R3HCC1L: variants seen among roughly 807,000 people sequenced by gnomAD.
The protein encoded by R3HCC1L is R3H domain and coiled-coil containing 1 like.
In R3HCC1L, 51 loss-of-function variants were observed where a neutral mutation model predicts 59.9. That is an observed-to-expected ratio of 0.85 (90% confidence interval 0.68 to 1.07). The LOEUF (loss-of-function observed/expected upper bound fraction) is 1.07. Ranked by LOEUF, R3HCC1L falls within the 50% of genes least tolerant of loss-of-function variation. The pLI is 0.00. For synonymous variants in R3HCC1L, 322 were observed against 315.2 expected, an observed-to-expected ratio of 1.02 and a Z score of -0.23; for missense variants, 965 against 933.0, an observed-to-expected ratio of 1.03 and a Z score of -0.45.
intron 9 of R3HCC1L, among the ~76,000 whole-genome samples, chr10:98,241,743 G>A (rs1184999005): frequency 6.6e-6 from 1 of 152,064 alleles, no homozygotes; most frequent in Non-Finnish European, 1.5e-5. Context: ...TCAGATGTCA[G>A]GATAGTAGAA....
chr10:98,234,629 A>T (rs1156779091), intron 7 of R3HCC1L, 113 bp downstream of exon 7: 15 of 1,088,084 alleles, frequency 1.4e-5, no homozygotes, highest in Non-Finnish European at 2.0e-5. Context: ...CAGTGTAGGT[A>T]ATAGGGCAGT....
intron 9 of R3HCC1L, among the ~76,000 whole-genome samples, chr10:98,239,611 A>G (rs1442560784): frequency 1.3e-5 from 2 of 152,212 alleles, no homozygotes; most frequent in Non-Finnish European, 2.9e-5. Flanking sequence ...TATAAAACCC[A>G]GAATGTGAAA....
At chr10:98,179,734 T>C (rs191792951) in intron 4 of R3HCC1L, among the ~76,000 whole-genome samples, 104 of 152,298 alleles carry the variant, frequency 6.8e-4, no homozygotes, top group African/African-American at 2.2e-3. Context: ...ATTACCTCAA[T>C]TTTGGAGCCT....
chr10:98,200,464 C>T (rs1461475420), intron 4 of R3HCC1L, among the ~76,000 whole-genome samples: 1 of 152,068 alleles, frequency 6.6e-6, no homozygotes, highest in East Asian at 1.9e-4. Flanking sequence ...TTTATGGAGA[C>T]TTTTACCATG....
At chr10:98,199,781 A>ATATG (rs1564682044) in intron 4 of R3HCC1L, among the ~76,000 whole-genome samples, 1 of 152,030 alleles carries the variant, frequency 6.6e-6, no homozygotes, top group Admixed American at 6.5e-5. Context: ...ACATTTTACT[A>ATATG]TATGTATATC....
At chr10:98,183,394 C>A (rs1350517490) in intron 4 of R3HCC1L, among the ~76,000 whole-genome samples, 1 of 150,334 alleles carries the variant, frequency 6.7e-6, no homozygotes, top group African/African-American at 2.4e-5. Context: ...TGATTTTTTC[C>A]ACCATCAGTT....
chr10:98,184,360 C>T (rs2134663376), intron 4 of R3HCC1L, among the ~76,000 whole-genome samples: 1 of 152,168 alleles, frequency 6.6e-6, no homozygotes, highest in Middle Eastern at 3.4e-3. Context: ...GATTATAATA[C>T]CATATTTTAA....
chr10:98,240,887 A>G (rs1857463189), intron 9 of R3HCC1L, among the ~76,000 whole-genome samples: 1 of 150,592 alleles, frequency 6.6e-6, no homozygotes, highest in Non-Finnish European at 1.5e-5. Context: ...TAATAAACCT[A>G]ATACCTTTGC....
chr10:98,208,057 C>T, intron 4 of R3HCC1L, 44 bp from the exon 5 acceptor site: 1 of 1,508,540 alleles, frequency 6.6e-7, no homozygotes, highest in East Asian at 2.3e-5. Context: ...TGGTTCAATA[C>T]ATTGTAATTA....
intron 1 of R3HCC1L, among the ~76,000 whole-genome samples, chr10:98,136,730 G>A (rs925875485): frequency 1.3e-5 from 2 of 151,832 alleles, no homozygotes; most frequent in Admixed American, 6.6e-5. Flanking sequence ...CCAGCTACTC[G>A]GGAGGCTGAG....
At position 98,163,288 on chromosome 10, in the gene R3HCC1L, T is replaced by C; in HGVS notation, c.-119-5T>C. 1.7e-6 allele frequency: 1 copy of C among 579,542 alleles called. No individual in the cohort carries two copies. The highest frequency in any genetic ancestry group is 2.7e-6 in the Non-Finnish European group (1 of 364,930). The allele number at this position is 579,542 out of a possible 1,614,324, so 35.9% of individuals were successfully genotyped here. A position where few individuals can be genotyped will look rare whatever the true frequency, so the allele number is the denominator to read the frequency against. On this transcript the variant is annotated splice_polypyrimidine_tract_variant and splice_region_variant and intron_variant, in intron 3 of 9. Transcript: ENST00000298999. Reference sequence around the variant, plus strand: ...TAAAAATAACTTATTATTACTATTTTTCAGGTGAGGCTGCTGTCAGAAAGG... The same window carrying C: ...TAAAAATAACTTATTATTACTATTTCTCAGGTGAGGCTGCTGTCAGAAAGG...
chr10:98,184,549 A>G (rs1446208036), intron 4 of R3HCC1L, among the ~76,000 whole-genome samples: 2 of 152,164 alleles, frequency 1.3e-5, no homozygotes, highest in Non-Finnish European at 2.9e-5. Flanking sequence ...ATACTCTGTC[A>G]TGTTCTCACA....
At chr10:98,232,833 CTTTA>C (rs1288589877) in intron 6 of R3HCC1L, among the ~76,000 whole-genome samples, 1 of 152,088 alleles carries the variant, frequency 6.6e-6, no homozygotes, top group African/African-American at 2.4e-5. Flanking sequence ...TAAACTAAAA[CTTTA>C]TTTATAAAAA....
intron 5 of R3HCC1L, among the ~76,000 whole-genome samples, chr10:98,228,486 C>G (rs921300602): frequency 3.3e-5 from 5 of 152,118 alleles, no homozygotes; most frequent in African/African-American, 1.2e-4. Flanking sequence ...TATTACTCAT[C>G]TTTGTCAGAT....
chr10:98,172,449 G>A (rs557374190), intron 4 of R3HCC1L, among the ~76,000 whole-genome samples: 86 of 152,316 alleles, frequency 5.6e-4, no homozygotes, highest in African/African-American at 2.0e-3. Flanking sequence ...TACACTGCAA[G>A]TAACTTAACT....
intron 1 of R3HCC1L, among the ~76,000 whole-genome samples, chr10:98,136,790 T>C (rs1251812281): frequency 6.6e-6 from 1 of 152,040 alleles, no homozygotes; most frequent in Admixed American, 6.5e-5. Flanking sequence ...TGAGCAGAGA[T>C]TGGGCCACTG....
At chr10:98,231,715 A>C (rs764935174) in intron 6 of R3HCC1L, 28 bp downstream of exon 6, 10 of 1,544,380 alleles carry the variant, frequency 6.5e-6, no homozygotes, top group Non-Finnish European at 8.8e-6. Context: ...TGTGGATGTT[A>C]GGGAGGGTGA....
At chr10:98,235,209 A>G (rs1370240881) in intron 7 of R3HCC1L, among the ~76,000 whole-genome samples, 2 of 152,204 alleles carry the variant, frequency 1.3e-5, no homozygotes, top group African/African-American at 4.8e-5. Context: ...TTGTAAATAA[A>G]TATAAAAACA....
intron 4 of R3HCC1L, among the ~76,000 whole-genome samples, chr10:98,190,907 G>T (rs1384793081): frequency 7.0e-6 from 1 of 142,470 alleles, no homozygotes. Context: ...TGTGGTGTTT[G>T]GTTTTCTGTC....
Sources: gnomAD v4.1 joint callset for allele counts (sites outside exome capture counted in the v4.1 genomes callset) on GRCh38, gnomAD v4.1.1 for gene constraint, MANE v1.5 for transcripts, NCBI Gene and HGNC (gene_info 2026-07-23, HGNC 2026-07-21) for gene names.